NFYA: variants seen among roughly 807,000 people sequenced by gnomAD.
NFYA encodes the protein CAAT-box DNA binding protein subunit A.
NFYA carries 28 observed loss-of-function variants against 52.8 expected under a neutral mutation model. That is an observed-to-expected ratio of 0.53 (90% CI 0.39 to 0.73). The LOEUF (loss-of-function observed/expected upper bound fraction) is 0.73. Among genes scored for constraint, NFYA ranks in the 30% least tolerant of loss-of-function variants. The pLI, the probability that NFYA is intolerant of heterozygous loss-of-function variation, is 0.00. For synonymous variants in NFYA, 150 were observed against 150.7 expected (o/e 1.00, Z 0.03); for missense variants, 234 against 427.0 (o/e 0.55, Z 3.98).
intron 1 of NFYA, among the ~76,000 whole-genome samples, chr6:41,077,115 C>A (rs1232046177): frequency 6.6e-6 from 1 of 152,134 alleles, no homozygotes; most frequent in Non-Finnish European, 1.5e-5. Context: ...AAGATGTAAA[C>A]TTCTGGATAT....
intron 9 of NFYA, among the ~76,000 whole-genome samples, chr6:41,096,852 A>G (rs1764371274): frequency 6.6e-6 from 1 of 152,230 alleles, no homozygotes; most frequent in Non-Finnish European, 1.5e-5. Flanking sequence ...TCTGACCCTG[A>G]CCCTAGTCCA....
rs1016105398 is a variant in NFYA, at chr6:41,101,295, GCA to G, written c.*3888_*3889del. ...CAGGCCTAGCCTCCCGCGAGCTAAG[GCA>G]CAGTTTAACTTCGTGCTGCGGCTTC... On this transcript the variant is annotated 3_prime_UTR_variant, in exon 10 of 10. Coordinates refer to ENST00000341376, the MANE Select transcript of NFYA (RefSeq NM_002505.5). 3 of 152,218 alleles carry G rather than the reference GCA, an allele frequency of 2.0e-5. No homozygotes were observed. The highest frequency in any genetic ancestry group is 7.2e-5 in the African/African-American group (3 of 41,452). The allele number at this position is 152,218 out of a possible 1,614,324, so 9.4% of individuals were successfully genotyped here. A position where few individuals can be genotyped will look rare whatever the true frequency, so the allele number is the denominator to read the frequency against.
At chr6:41,074,987 G>A (rs1046526480) in intron 1 of NFYA, among the ~76,000 whole-genome samples, 5 of 151,386 alleles carry the variant, frequency 3.3e-5, no homozygotes, top group African/African-American at 1.2e-4. Context: ...ACAACTAATA[G>A]GTTTCAGAAA....
At chr6:41,077,308 G>A (rs1582020558) in intron 1 of NFYA, among the ~76,000 whole-genome samples, 1 of 152,026 alleles carries the variant, frequency 6.6e-6, no homozygotes, top group Non-Finnish European at 1.5e-5. Context: ...GTACACCTGT[G>A]CAACTGCTAC....
intron 2 of NFYA, among the ~76,000 whole-genome samples, 196 bp downstream of exon 2, chr6:41,079,360 T>C (rs1561850566): frequency 6.6e-6 from 1 of 152,242 alleles, no homozygotes; most frequent in African/African-American, 2.4e-5. Context: ...TGCCTGGTTA[T>C]AGTAAATTGC....
Position 41,092,894 on chromosome 6 carries a change from G to A in NFYA, c.715-18G>A. 1.2e-6 allele frequency: 2 copies of A among 1,609,422 alleles called. No homozygotes were observed. The highest frequency in any genetic ancestry group is 1.7e-6 in the Non-Finnish European group (2 of 1,177,720). On this transcript the variant is annotated intron_variant, in intron 7 of 9. Coordinates refer to ENST00000341376, the MANE Select transcript of NFYA (RefSeq NM_002505.5). ...ATACTTCATGCCACCAATAAGCTCT[G>A]GTTTCCTGTTCACACAGATGGTTCC...
chr6:41,089,091 T>C (rs1160229864), intron 4 of NFYA, among the ~76,000 whole-genome samples: 1 of 152,084 alleles, frequency 6.6e-6, no homozygotes, highest in Non-Finnish European at 1.5e-5. Context: ...TCAAGTGATT[T>C]TCCGGCCTCA....
rs995227600 is a variant in NFYA at position 41,091,579 on chromosome 6, G to C, written c.599G>C (p.Gly200Ala). 6.2e-7 allele frequency: 1 copy of C among 1,614,180 alleles called. No homozygotes were observed. The highest frequency in any genetic ancestry group is 1.7e-5 in the Admixed American group (1 of 60,028). ...MITIPAASLA[G>A]AQIVQTGANT... ...ACTATCCCAGCAGCCAGTTTGGCAGGAGCACAGATTGTTCAAACAGGAGCC... is the reference window on the plus strand; with the variant it reads ...ACTATCCCAGCAGCCAGTTTGGCAGCAGCACAGATTGTTCAAACAGGAGCC... The change falls in exon 7 of 10, where the codon GGA becomes GCA. Residue 200 changes from glycine to alanine, a missense_variant. This residue lies in a region of NFYA where 81 missense variants were observed against 210.5 expected (regional missense o/e 0.38). Transcript: ENST00000341376.
At chr6:41,077,606 G>A (rs1299549722) in intron 1 of NFYA, among the ~76,000 whole-genome samples, 1 of 152,210 alleles carries the variant, frequency 6.6e-6, no homozygotes, top group African/African-American at 2.4e-5. Context: ...CAGACTCACA[G>A]TCTGGCTGAA....
intron 6 of NFYA, among the ~76,000 whole-genome samples, 157 bp from the exon 7 acceptor site, chr6:41,091,371 A>G (rs1020575568): frequency 6.6e-6 from 1 of 152,222 alleles, no homozygotes; most frequent in East Asian, 1.9e-4. Flanking sequence ...TATATAGCAC[A>G]CCACAGTGGG....
At chr6:41,094,082 G>T (rs1038535958) in intron 8 of NFYA, among the ~76,000 whole-genome samples, 13 of 152,146 alleles carry the variant, frequency 8.5e-5, no homozygotes, top group African/African-American at 3.1e-4. Flanking sequence ...ACACTCATTT[G>T]CTCAAACGAA....
Position 41,080,891 on chromosome 6 carries a change from C to G in NFYA, c.156C>G (p.Leu52=). Residue 52 remains leucine (L), a synonymous_variant, in exon 3 of 10, where the codon CTC becomes CTG. Coordinates refer to ENST00000341376, the MANE Select transcript of NFYA (RefSeq NM_002505.5). ...ASASGQQVQT[L]QVVQGQPLMV... Reference sequence around the variant, plus strand: ...CCTCAGGCCAGCAAGTCCAGACCCTCCAGGTAGTGGTACCCTCTCTGATTC... The same window carrying G: ...CCTCAGGCCAGCAAGTCCAGACCCTGCAGGTAGTGGTACCCTCTCTGATTC... 3 of 1,613,472 alleles carry G rather than the reference C, an allele frequency of 1.9e-6. No homozygotes were observed. The highest frequency in any genetic ancestry group is 2.5e-6 in the Non-Finnish European group (3 of 1,179,394).
intron 1 of NFYA, among the ~76,000 whole-genome samples, chr6:41,076,420 C>G (rs950272020): frequency 6.6e-6 from 1 of 152,162 alleles, no homozygotes; most frequent in Admixed American, 6.6e-5. Flanking sequence ...AGCTACTGTT[C>G]TAGGCTTTGC....
chr6:41,080,754 T>A (rs1297935967), intron 2 of NFYA, 57 bp from the exon 3 acceptor site: 3 of 1,444,080 alleles, frequency 2.1e-6, no homozygotes, highest in Non-Finnish European at 2.9e-6. Context: ...GATCTGTGTC[T>A]TGAACTACAC....
chr6:41,100,196 T>C lies in NFYA; in HGVS notation c.*2786T>C, dbSNP rs1486728777. ...GAGATTTTTTCTGTCACCTGCAGGCTGATCATACATTTGATGCTACTACTG... is the reference window on the plus strand; with the variant it reads ...GAGATTTTTTCTGTCACCTGCAGGCCGATCATACATTTGATGCTACTACTG... On this transcript the variant is annotated 3_prime_UTR_variant, in exon 10 of 10. Coordinates refer to ENST00000341376, the MANE Select transcript of NFYA (RefSeq NM_002505.5). Among the ~76,000 whole-genome samples, 2 of 152,224 alleles carry C rather than the reference T, an allele frequency of 1.3e-5. No homozygotes were observed. Among genetic ancestry groups the C allele is most frequent in the African/African-American group, 4.8e-5 (2 of 41,462 alleles).
chr6:41,086,431 AAAT>A (rs1183365721), intron 4 of NFYA, among the ~76,000 whole-genome samples: 1 of 152,206 alleles, frequency 6.6e-6, no homozygotes, highest in Non-Finnish European at 1.5e-5. Context: ...AAGCTGAAAA[AAAT>A]ATATTCTGTT....
chr6:41,081,501 A>C (rs551954911), intron 3 of NFYA, among the ~76,000 whole-genome samples: 49 of 152,254 alleles, frequency 3.2e-4, no homozygotes, highest in African/African-American at 9.1e-4. Context: ...AAAAAAAAAA[A>C]AAGAATTTAT....
chr6:41,073,968 T>G (rs1763645231), intron 1 of NFYA, among the ~76,000 whole-genome samples: 1 of 152,372 alleles, frequency 6.6e-6, no homozygotes, highest in East Asian at 1.9e-4. Flanking sequence ...ATTCGGTGCC[T>G]GGAACCTCAC....
chr6:41,089,899 C>G (rs1428083328), intron 5 of NFYA, among the ~76,000 whole-genome samples, 189 bp downstream of exon 5: 1 of 152,132 alleles, frequency 6.6e-6, no homozygotes, highest in Non-Finnish European at 1.5e-5. Context: ...GCAAGCTGAT[C>G]ACAAGGTCAA....
Sources: gnomAD v4.1 joint callset for allele counts (sites outside exome capture counted in the v4.1 genomes callset) on GRCh38, gnomAD v4.1.1 for gene constraint, gnomAD v4.1.1 regional missense constraint, MANE v1.5 for transcripts, NCBI Gene and HGNC (gene_info 2026-07-23, HGNC 2026-07-21) for gene names.